The following WWOX variants were observed in gnomAD, a reference collection of about 807,000 sequenced individuals.
WWOX encodes WW domain containing oxidoreductase, also known as WW domain-containing oxidoreductase.
WWOX carries 69 observed loss-of-function variants against 46.2 expected under a neutral mutation model. The ratio of observed to expected loss-of-function variants is 1.49; its 90% CI spans 1.23 to 1.82. WWOX has a LOEUF of 1.82. WWOX is among the 40% of genes most tolerant of loss of function. WWOX has a pLI of 0.00. For missense variants in WWOX, 919 were observed against 542.6 expected, an observed-to-expected ratio of 1.69 and a Z score of -6.89; for synonymous variants, 359 against 202.6, an observed-to-expected ratio of 1.77 and a Z score of -6.56.
intron 8 of WWOX, among the ~76,000 whole-genome samples, chr16:78,497,985 A>G (rs1170046077): frequency 1.3e-5 from 2 of 152,056 alleles, no homozygotes; most frequent in Non-Finnish European, 2.9e-5. Context: ...GGCGGATCAC[A>G]AGATCGGGAG....
chr16:78,996,876 A>G (rs2047001082), intron 8 of WWOX, among the ~76,000 whole-genome samples: 1 of 152,226 alleles, frequency 6.6e-6, no homozygotes, highest in Non-Finnish European at 1.5e-5. Context: ...TAAATGCTGC[A>G]GAGCTGCGTC....
intron 8 of WWOX, among the ~76,000 whole-genome samples, chr16:79,020,264 A>G (rs200478556): frequency 6.6e-6 from 1 of 152,238 alleles, no homozygotes; most frequent in Non-Finnish European, 1.5e-5. Flanking sequence ...GATGGAGAGG[A>G]CAGTGCCTGG....
intron 8 of WWOX, among the ~76,000 whole-genome samples, chr16:78,856,791 A>G (rs1043991203): frequency 4.6e-5 from 7 of 152,236 alleles, no homozygotes; most frequent in Non-Finnish European, 1.0e-4. Flanking sequence ...ACACATTTAC[A>G]TATACAGTCA....
intron 8 of WWOX, among the ~76,000 whole-genome samples, chr16:79,067,846 A>AT (rs2048471254): frequency 6.6e-6 from 1 of 152,172 alleles, no homozygotes; most frequent in Non-Finnish European, 1.5e-5. Flanking sequence ...CTGCAAATGA[A>AT]AAGTCCTTCC....
At chr16:78,855,903 G>T (rs542494274) in intron 8 of WWOX, among the ~76,000 whole-genome samples, 2 of 152,126 alleles carry the variant, frequency 1.3e-5, no homozygotes, top group African/African-American at 4.8e-5. Flanking sequence ...CATGTAACTC[G>T]AAGTCTTTTA....
At chr16:79,095,959 C>A (rs1396721621) in intron 8 of WWOX, among the ~76,000 whole-genome samples, 7 of 150,030 alleles carry the variant, frequency 4.7e-5, no homozygotes, top group African/African-American at 7.4e-5. Flanking sequence ...AAGTGATTTT[C>A]CCACCTCAGC....
intron 8 of WWOX, among the ~76,000 whole-genome samples, chr16:78,682,908 T>G (rs2047763382): frequency 6.6e-6 from 1 of 152,126 alleles, no homozygotes; most frequent in African/African-American, 2.4e-5. Context: ...AAAAACATAC[T>G]TTCGTGACTA....
At chr16:79,164,363 C>A (rs1010032773) in intron 8 of WWOX, among the ~76,000 whole-genome samples, 1 of 152,226 alleles carries the variant, frequency 6.6e-6, no homozygotes, top group East Asian at 1.9e-4. Flanking sequence ...GCCACTTCCA[C>A]ATTGAGTGAA....
rs144729378 is a variant in WWOX at position 78,656,713 on chromosome 16, C to T, written c.1056+223961C>T. On this transcript the variant is annotated intron_variant, in intron 8 of 8. Transcript: ENST00000566780. ...GCTGGGACACAAATCCCAACCATAT[C>T]GGCACCCACTGAGCACATCCTCGTG... is the stretch of plus-strand genomic sequence containing the variant. 1.7e-4 allele frequency among the ~76,000 whole-genome samples: 26 copies of T among 152,254 alleles called. No individual in the cohort carries two copies. In the East Asian group the frequency reaches 4.1e-3, roughly 24 times the overall value.
At chr16:78,981,845 A>C (rs554369029) in intron 8 of WWOX, 9 of 152,326 alleles carry the variant, frequency 5.9e-5, no homozygotes, top group African/African-American at 2.2e-4. Context: ...AAGATGGTCT[A>C]ATTTCAAAGT....
chr16:78,469,597 TA>T (rs2084172115), intron 8 of WWOX, among the ~76,000 whole-genome samples: 2 of 152,208 alleles, frequency 1.3e-5, no homozygotes, highest in South Asian at 4.2e-4. Context: ...TAAGAGATGT[TA>T]AAAAAACAAA....
chr16:78,223,810 A>T (rs758981046), intron 5 of WWOX, among the ~76,000 whole-genome samples: 1 of 152,198 alleles, frequency 6.6e-6, no homozygotes, highest in African/African-American at 2.4e-5. Context: ...GGAGTTTCCA[A>T]AACAGCAGCA....
At chr16:78,504,040 T>A (rs1283486276) in intron 8 of WWOX, among the ~76,000 whole-genome samples, 1 of 152,160 alleles carries the variant, frequency 6.6e-6, no homozygotes, top group Admixed American at 6.5e-5. Flanking sequence ...AAGATGTCAG[T>A]CAGGGGGAAA....
chr16:78,459,429 C>G (rs912513423), intron 8 of WWOX, among the ~76,000 whole-genome samples: 2 of 152,200 alleles, frequency 1.3e-5, no homozygotes, highest in African/African-American at 4.8e-5. Flanking sequence ...TCAAGAGAAG[C>G]AGCTTTTCCT....
intron 6 of WWOX, among the ~76,000 whole-genome samples, chr16:78,398,241 C>G (rs7199086): frequency 0.078 from 11,810 of 152,210 alleles, 556 homozygotes; most frequent in South Asian, 0.19. Context: ...TGCTGTGGCC[C>G]ACCCAGGCCT....
chr16:78,323,809 C>A (rs2080545083), intron 5 of WWOX, among the ~76,000 whole-genome samples: 1 of 152,168 alleles, frequency 6.6e-6, no homozygotes, highest in Non-Finnish European at 1.5e-5. Flanking sequence ...GCATACTTGA[C>A]TAATTGTAGA....
chr16:78,437,120 C>A (rs534372733), intron 8 of WWOX, among the ~76,000 whole-genome samples: 1 of 152,194 alleles, frequency 6.6e-6, no homozygotes, highest in Non-Finnish European at 1.5e-5. Flanking sequence ...GTCAGGGGAG[C>A]AAGAAATACA....
chr16:79,045,376 C>G (rs1176259346), intron 8 of WWOX, among the ~76,000 whole-genome samples: 1 of 152,122 alleles, frequency 6.6e-6, no homozygotes, highest in Non-Finnish European at 1.5e-5. Flanking sequence ...CAGCTTGTAG[C>G]TTGGAGTGTG....
intron 5 of WWOX, among the ~76,000 whole-genome samples, chr16:78,279,609 T>C (rs2079640555): frequency 6.6e-6 from 1 of 152,196 alleles, no homozygotes; most frequent in Non-Finnish European, 1.5e-5. Context: ...ATGCCTCTGC[T>C]GCTGGCAGTG....
Sources: gnomAD v4.1 joint callset for allele counts (sites outside exome capture counted in the v4.1 genomes callset) on GRCh38, gnomAD v4.1.1 for gene constraint, MANE v1.5 for transcripts, NCBI Gene and HGNC (gene_info 2026-07-23, HGNC 2026-07-21) for gene names.